Variants in DNAH10 observed in about 807,000 individuals in gnomAD.
The protein encoded by DNAH10 is dynein axonemal heavy chain 10.
Under a neutral mutation model 506.6 loss-of-function variants are expected in DNAH10, and 348 were observed. That is an observed-to-expected ratio of 0.69 (90% CI 0.63 to 0.75). DNAH10 has a LOEUF of 0.75. Among genes scored for constraint, DNAH10 ranks in the 30% least tolerant of loss-of-function variants. The pLI is 0.00. For missense variants in DNAH10, 5,179 were observed against 5,787.1 expected, an observed-to-expected ratio of 0.89 and a Z score of 3.41; for synonymous variants, 2,059 against 2,198.6, an observed-to-expected ratio of 0.94 and a Z score of 1.78.
Position 123,808,970 on chromosome 12 carries a change from T to C in DNAH10, c.3144+17T>C. The stretch of plus-strand genomic sequence containing the variant: ...ATCACCAAGGTGAGAGCGGAGGTGC[T>C]TGTGTCCTTGCTCAGACGGCATCTC... On this transcript the variant is annotated intron_variant, in intron 19 of 78. Coordinates refer to ENST00000673944, the MANE Select transcript of DNAH10 (RefSeq NM_001372106.1). 1 of 1,613,808 alleles carries C rather than the reference T, an allele frequency of 6.2e-7. No homozygotes were observed. Among genetic ancestry groups the C allele is most frequent in the East Asian group, 2.2e-5 (1 of 44,878 alleles).
chr12:123,830,121 T>C (rs1210933240), intron 25 of DNAH10, among the ~76,000 whole-genome samples: 1 of 152,228 alleles, frequency 6.6e-6, no homozygotes, highest in Admixed American at 6.5e-5. Context: ...TTGATAACTC[T>C]GTACCCCAGT....
chr12:123,777,131 A>T (rs559156559), intron 5 of DNAH10, among the ~76,000 whole-genome samples: 3 of 152,258 alleles, frequency 2.0e-5, no homozygotes, highest in South Asian at 2.1e-4. Flanking sequence ...CTCCAAAAAG[A>T]TCCCTCAGTT....
chr12:123,784,765 C>T (rs565203483), intron 8 of DNAH10, among the ~76,000 whole-genome samples: 1 of 152,310 alleles, frequency 6.6e-6, no homozygotes, highest in South Asian at 2.1e-4. Flanking sequence ...TCCCTGGTAA[C>T]TTCTGTTCTG....
At chr12:123,873,310 G>C (rs11057381) in intron 45 of DNAH10, among the ~76,000 whole-genome samples, 83,351 of 152,038 alleles carry the variant, frequency 0.55, 23,511 homozygotes, top group African/African-American at 0.67. Flanking sequence ...CTACTTTCTT[G>C]TATGCCACAT....
In DNAH10 at chr12:123,924,425, G is replaced by A. The variant is rs750032463; in HGVS notation, c.11759G>A (p.Trp3920Ter). 1 of 1,611,706 alleles carries A rather than the reference G, an allele frequency of 6.2e-7. No homozygotes were observed. Among genetic ancestry groups the A allele is most frequent in the South Asian group, 1.1e-5 (1 of 90,898 alleles). ...PDDVENNQTV[W>*]QEWYDLDSLE... The stretch of plus-strand genomic sequence containing the variant: ...GATGTTGAGAATAATCAGACTGTCT[G>A]GCAGGAGGTGAGCCCACGTTCCCTT... Residue 3920 changes from tryptophan (W) to a stop codon, truncating the protein, a stop_gained, in exon 67 of 79, where the codon TGG (tryptophan) becomes TAG (stop). Coordinates refer to ENST00000673944, the MANE Select transcript of DNAH10 (RefSeq NM_001372106.1). LOFTEE classifies it high-confidence loss of function.
At chr12:123,795,160 AAAG>A (rs1196025047) in intron 12 of DNAH10, among the ~76,000 whole-genome samples, 4 of 151,436 alleles carry the variant, frequency 2.6e-5, no homozygotes, top group Non-Finnish European at 4.4e-5. Context: ...AAAAAAAAAA[AAAG>A]AAAAAAGAAA....
intron 19 of DNAH10, 62 bp downstream of exon 19, chr12:123,809,015 A>G (rs1958824326): frequency 4.4e-6 from 7 of 1,592,116 alleles, no homozygotes; most frequent in East Asian, 2.2e-5. Context: ...CCGCCTCCCA[A>G]AGTGCTGGGA....
intron 78 of DNAH10, 96 bp from the exon 79 acceptor site, chr12:123,935,239 A>AG: frequency 1.4e-6 from 2 of 1,445,812 alleles, no homozygotes; most frequent in Non-Finnish European, 9.5e-7. Flanking sequence ...AGTCTTGCAC[A>AG]GGGGCCCCTG....
In DNAH10 at chr12:123,930,421, C is replaced by T; in HGVS notation, c.12632C>T (p.Ala4211Val). 1 of 1,587,162 alleles carries T rather than the reference C, an allele frequency of 6.3e-7. No individual in the cohort carries two copies. Among genetic ancestry groups the T allele is most frequent in the Non-Finnish European group, 8.5e-7 (1 of 1,170,086 alleles). ...LIGEVMYGGR[A>V]IDSFDRRILT... ...TTTCAGGTCATGTATGGAGGACGGGCCATCGACAGCTTTGATCGCCGCATC... is the reference window on the plus strand; with the variant it reads ...TTTCAGGTCATGTATGGAGGACGGGTCATCGACAGCTTTGATCGCCGCATC... Residue 4211 changes from alanine to valine, a missense_variant, in exon 73 of 79, where the codon GCC (alanine) becomes GTC (valine). This residue lies in a region of DNAH10 where 4,844 missense variants were observed against 5,430.5 expected (regional missense o/e 0.89). Coordinates refer to ENST00000673944, the MANE Select transcript of DNAH10 (RefSeq NM_001372106.1).
Position 123,894,740 on chromosome 12 carries a change from A to T in DNAH10, c.9280+17A>T, listed in dbSNP as rs766339767. 4.4e-6 allele frequency: 7 copies of T among 1,605,698 alleles called. No individual in the cohort carries two copies. Among genetic ancestry groups the T allele is most frequent in the Non-Finnish European group, 5.1e-6 (6 of 1,172,482 alleles). ...CCTTTCTAGGTAAGTCACAGCTGTT[A>T]TGGGAACTGCATTATTGATAAAACA... is the stretch of plus-strand genomic sequence containing the variant. On this transcript the variant is annotated intron_variant, in intron 54 of 78. Coordinates refer to ENST00000673944, the MANE Select transcript of DNAH10 (RefSeq NM_001372106.1).
At chr12:123,912,609 C>G (rs1345928571) in intron 59 of DNAH10, among the ~76,000 whole-genome samples, 5 of 152,104 alleles carry the variant, frequency 3.3e-5, no homozygotes, top group South Asian at 2.1e-4. Context: ...CCAGACAGTA[C>G]CAAACGTCCC....
In DNAH10 at chr12:123,925,279, A is replaced by G. The variant is rs1051693808; in HGVS notation, c.11921+75A>G. 2.4e-5 allele frequency: 38 copies of G among 1,597,902 alleles called. No individual in the cohort carries two copies. The highest frequency in any genetic ancestry group is 3.2e-5 in the Non-Finnish European group (37 of 1,168,894). On this transcript the variant is annotated intron_variant, in intron 68 of 78. Transcript: ENST00000673944. This position sits in a 1 kb window ranked among gnomAD's most constrained non-coding sequence, Gnocchi z 4.0. ...TAGCGTCCTCCCACCTTGGACTCAA[A>G]GAAAGCAGAGGCTGACCAGCTCCCG...
intron 61 of DNAH10, 47 bp downstream of exon 61, chr12:123,914,597 AG>A (rs750056289): frequency 6.3e-7 from 1 of 1,576,762 alleles, no homozygotes; most frequent in African/African-American, 1.3e-5. Context: ...ACCTTAGCAC[AG>A]GGGGTCTACG....
Position 123,762,432 on chromosome 12 carries a change from C to G in DNAH10, c.96C>G (p.Asp32Glu), listed in dbSNP as rs1039905885. 1.4e-6 allele frequency: 2 copies of G among 1,434,460 alleles called. No homozygotes were observed. Among genetic ancestry groups the G allele is most frequent in the South Asian group, 2.9e-5 (2 of 68,466 alleles). The allele number at this position is 1,434,460 out of a possible 1,614,324, so 88.9% of individuals were successfully genotyped here. A position where few individuals can be genotyped will look rare whatever the true frequency, so the allele number is the denominator to read the frequency against. ...TTTTCGAGGACCTGCTCAACCGCGACGACGGCCAGGGCGAGGACCTCATCT... is the reference window on the plus strand; with the variant it reads ...TTTTCGAGGACCTGCTCAACCGCGAGGACGGCCAGGGCGAGGACCTCATCT... ...PQLFEDLLNR[D>E]DGQGEDLILH... The change falls in exon 1 of 79, where the codon GAC (aspartate) becomes GAG (glutamate). Residue 32 changes from aspartate (D) to glutamate (E), a missense_variant. Transcript: ENST00000673944. This position sits in a 1 kb window ranked among gnomAD's most constrained non-coding sequence, Gnocchi z 5.0.
chr12:123,856,979 C>A lies in DNAH10; in HGVS notation c.6439-77C>A, dbSNP rs569241703. The A allele has an allele frequency of 4.6e-3, 5,161 of 1,119,802 alleles. 20 individuals are homozygous for A. Among genetic ancestry groups the A allele is most frequent in the Non-Finnish European group, 5.8e-3 (4,783 of 824,802 alleles). The allele number at this position is 1,119,802 out of a possible 1,614,324, so 69.4% of individuals were successfully genotyped here. A position where few individuals can be genotyped will look rare whatever the true frequency, so the allele number is the denominator to read the frequency against. On this transcript the variant is annotated intron_variant, in intron 36 of 78. Coordinates refer to ENST00000673944, the MANE Select transcript of DNAH10 (RefSeq NM_001372106.1). ...ATTTTATATTTCATAAGAGTGTTAC[C>A]ACTGGGTTGGAAACACAGTCCAAAG... is the stretch of plus-strand genomic sequence containing the variant.
At chr12:123,810,731 A>G (rs1594085196) in intron 19 of DNAH10, among the ~76,000 whole-genome samples, 1 of 152,186 alleles carries the variant, frequency 6.6e-6, no homozygotes, top group East Asian at 1.9e-4. Flanking sequence ...CATGTTTTAT[A>G]ATCCATGCTA....
At chr12:123,797,549 C>T (rs1167733130) in intron 13 of DNAH10, among the ~76,000 whole-genome samples, 3 of 152,130 alleles carry the variant, frequency 2.0e-5, no homozygotes, top group Admixed American at 6.5e-5. Context: ...TGGGCCACCA[C>T]GCCTGGCCCA....
rs374671064 is a variant in DNAH10 at position 123,864,727 on chromosome 12, T to G, written c.7041T>G (p.Phe2347Leu). ...TCCAAGCACACTGTGCCCTGCTCTT[T>G]GAGGCAAGTAGTGATTAAAAGTAAA... The part of the protein sequence containing the change: ...IRLQAHCALL[F>L]EVGDLQYASP... Residue 2347 changes from phenylalanine (F) to leucine (L), a missense_variant, in exon 40 of 79, where the codon TTT becomes TTG. This residue lies in a region of DNAH10 where 4,844 missense variants were observed against 5,430.5 expected (regional missense o/e 0.89). Transcript: ENST00000673944. 1.2e-5 allele frequency: 20 copies of G among 1,610,538 alleles called. No individual in the cohort carries two copies. Among genetic ancestry groups the G allele is most frequent in the East Asian group, 1.1e-4 (5 of 44,880 alleles).
At chr12:123,833,568 A>G (rs572558159) in intron 27 of DNAH10, among the ~76,000 whole-genome samples, 1 of 152,334 alleles carries the variant, frequency 6.6e-6, no homozygotes, top group South Asian at 2.1e-4. Flanking sequence ...TTTCATTTCC[A>G]AGATTCCTAA....
Sources: gnomAD v4.1 joint callset for allele counts (sites outside exome capture counted in the v4.1 genomes callset) on GRCh38, gnomAD v4.1.1 for gene constraint, gnomAD v4.1.1 regional missense constraint, Gnocchi (gnomAD v3.1) non-coding constraint, MANE v1.5 for transcripts, NCBI Gene and HGNC (gene_info 2026-07-23, HGNC 2026-07-21) for gene names.